HPSE2: variants seen among roughly 807,000 people sequenced by gnomAD.
HPSE2 encodes the protein heparanase 2 (inactive).
HPSE2 carries 38 observed loss-of-function variants against 60.5 expected under a neutral mutation model. The ratio of observed to expected loss-of-function variants is 0.63; its 90% CI spans 0.48 to 0.82. The LOEUF is 0.82. Among genes scored for constraint, HPSE2 ranks in the 40% least tolerant of loss-of-function variants. The probability of loss-of-function intolerance (pLI) is 0.00; values close to 1 mark genes in which losing one functional copy is unlikely to be tolerated. For missense variants in HPSE2, 713 were observed against 740.4 expected (o/e 0.96, Z 0.43); for synonymous variants, 295 against 293.2 (o/e 1.01, Z -0.06).
chr10:98,687,954 G>A (rs777242864), intron 6 of HPSE2, among the ~76,000 whole-genome samples: 1 of 152,070 alleles, frequency 6.6e-6, no homozygotes, highest in East Asian at 1.9e-4. Flanking sequence ...TATAATTATT[G>A]ATATAATCAT....
chr10:98,746,711 T>C (rs1949638124), intron 3 of HPSE2, among the ~76,000 whole-genome samples: 1 of 151,966 alleles, frequency 6.6e-6, no homozygotes, highest in Non-Finnish European at 1.5e-5. Flanking sequence ...GCATTTACCA[T>C]ACCTCAGTAG....
chr10:98,758,867 CA>C (rs1324573252), intron 3 of HPSE2, among the ~76,000 whole-genome samples: 1 of 152,084 alleles, frequency 6.6e-6, no homozygotes, highest in African/African-American at 2.4e-5. Context: ...ATCATTCTAC[CA>C]TAAAGATACA....
At chr10:98,697,337 C>T (rs552628186) in intron 5 of HPSE2, among the ~76,000 whole-genome samples, 5 of 152,282 alleles carry the variant, frequency 3.3e-5, no homozygotes, top group African/African-American at 7.2e-5. Context: ...CTGAAAAACA[C>T]AGCATGAGAA....
chr10:99,272,099 C>T, the HPSE2 span, among the ~76,000 whole-genome samples: 6 of 152,034 alleles, frequency 3.9e-5, no homozygotes, highest in African/African-American at 1.2e-4. Flanking sequence ...GGTGAAACCC[C>T]GTCTCTACTA....
the HPSE2 span, among the ~76,000 whole-genome samples, chr10:99,301,017 G>GT: frequency 1.3e-5 from 2 of 152,308 alleles, no homozygotes; most frequent in African/African-American, 4.8e-5. Flanking sequence ...TAATAAGGCA[G>GT]TAGTCACAGT....
At chr10:98,504,432 A>G (rs1942127661) in intron 9 of HPSE2, among the ~76,000 whole-genome samples, 1 of 152,088 alleles carries the variant, frequency 6.6e-6, no homozygotes, top group South Asian at 2.1e-4. Context: ...TATACAGCAG[A>G]CTATATGTAA....
At chr10:98,466,389 G>A (rs532703907) in intron 11 of HPSE2, among the ~76,000 whole-genome samples, 7 of 152,098 alleles carry the variant, frequency 4.6e-5, no homozygotes, top group South Asian at 2.1e-4. Flanking sequence ...CGAGGCAGGC[G>A]GATCACAAAG....
chr10:99,062,063 C>A (rs542877621), intron 3 of HPSE2, among the ~76,000 whole-genome samples: 1 of 152,240 alleles, frequency 6.6e-6, no homozygotes, highest in Non-Finnish European at 1.5e-5. Flanking sequence ...AAATCGCTAT[C>A]AAGAGGTTCT....
intron 11 of HPSE2, among the ~76,000 whole-genome samples, chr10:98,479,518 A>G (rs1406198043): frequency 6.6e-6 from 1 of 152,220 alleles, no homozygotes; most frequent in Non-Finnish European, 1.5e-5. Context: ...TCAGCTCTTT[A>G]GTAGTTGCTG....
intron 7 of HPSE2, among the ~76,000 whole-genome samples, chr10:98,639,969 AC>A (rs1946596566): frequency 6.6e-6 from 1 of 152,232 alleles, no homozygotes; most frequent in African/African-American, 2.4e-5. Flanking sequence ...TTCTAAATAT[AC>A]TAAGCACTCA....
At chr10:99,262,320 T>A in the HPSE2 span, among the ~76,000 whole-genome samples, 2 of 152,200 alleles carry the variant, frequency 1.3e-5, no homozygotes, top group East Asian at 3.9e-4. Context: ...CCTTTTTAGT[T>A]ATCCCTACCT....
intron 3 of HPSE2, among the ~76,000 whole-genome samples, chr10:98,933,690 C>A (rs1483778404): frequency 1.4e-5 from 2 of 143,076 alleles, no homozygotes; most frequent in Non-Finnish European, 3.0e-5. Flanking sequence ...TTGAATTGAA[C>A]ACTTTAACAT....
At chr10:99,300,971 T>A in the HPSE2 span, among the ~76,000 whole-genome samples, 2 of 152,100 alleles carry the variant, frequency 1.3e-5, no homozygotes, top group African/African-American at 4.8e-5. Flanking sequence ...AAAAACCAAA[T>A]GGGGAGTATA....
intron 3 of HPSE2, among the ~76,000 whole-genome samples, chr10:99,112,356 C>G (rs1369464928): frequency 1.3e-5 from 2 of 152,210 alleles, no homozygotes; most frequent in Non-Finnish European, 1.5e-5. Context: ...TCTCCTGCCT[C>G]AGCCTCCCGA....
At chr10:98,820,839 ACTGT>A (rs1428008595) in intron 3 of HPSE2, among the ~76,000 whole-genome samples, 6 of 152,106 alleles carry the variant, frequency 3.9e-5, no homozygotes, top group Non-Finnish European at 8.8e-5. Context: ...CTCTACTCTC[ACTGT>A]CTATGTTCTT....
Position 98,459,159 on chromosome 10 carries a change from C to T in HPSE2, c.*415G>A. 4.1e-6 allele frequency: 1 copy of T among 245,088 alleles called. No individual in the cohort carries two copies. 15.2% of individuals were successfully genotyped at this position (245,088 alleles called of 1,614,324 possible). On this transcript the variant is annotated 3_prime_UTR_variant, in exon 12 of 12. Transcript: ENST00000370552. Reference sequence around the variant, plus strand: ...TTTTGTAGGTCCACCCAGTTTTTTTCCTTCCTCATCTTCCTCTGAGGGCAG... The same window carrying T: ...TTTTGTAGGTCCACCCAGTTTTTTTTCTTCCTCATCTTCCTCTGAGGGCAG...
intron 3 of HPSE2, among the ~76,000 whole-genome samples, chr10:98,902,858 G>A (rs1953704499): frequency 6.6e-6 from 1 of 152,096 alleles, no homozygotes; most frequent in Non-Finnish European, 1.5e-5. Context: ...TGGATAGATG[G>A]ATAGATAGGT....
intron 2 of HPSE2, among the ~76,000 whole-genome samples, chr10:99,158,519 C>T (rs1322463536): frequency 3.7e-5 from 5 of 135,700 alleles, no homozygotes; most frequent in African/African-American, 8.1e-5. Context: ...AACCAAACAC[C>T]GCATATTCTC....
chr10:98,688,476 T>TC (rs58864090), intron 6 of HPSE2, among the ~76,000 whole-genome samples: 1 of 116,088 alleles, frequency 8.6e-6, no homozygotes, highest in Non-Finnish European at 1.7e-5. Context: ...TTTTTTTTTT[T>TC]CTTTTTTTTT....
Sources: gnomAD v4.1 joint callset for allele counts (sites outside exome capture counted in the v4.1 genomes callset) on GRCh38, gnomAD v4.1.1 for gene constraint, MANE v1.5 for transcripts, NCBI Gene and HGNC (gene_info 2026-07-23, HGNC 2026-07-21) for gene names.